CSPP1: variants seen among roughly 807,000 people sequenced by gnomAD.
CSPP1 encodes centrosome and spindle pole associated protein 1.
CSPP1 carries 126 observed loss-of-function variants against 164.4 expected under a neutral mutation model. The observed-to-expected ratio is 0.77, with a 90% CI of 0.66 to 0.89. The LOEUF (loss-of-function observed/expected upper bound fraction) is 0.89, where lower values mean the gene tolerates loss of function less well. CSPP1 is among the 40% of genes least tolerant of loss of function. CSPP1 has a pLI of 0.00. For synonymous variants in CSPP1, 472 were observed against 476.7 expected (o/e 0.99, Z 0.13); for missense variants, 1,395 against 1,449.8 (o/e 0.96, Z 0.61).
chr8:67,065,478 G>C, intron 1 of CSPP1: 1 of 947,866 alleles, frequency 1.1e-6, no homozygotes, highest in Non-Finnish European at 1.3e-6. Context: ...CCTAAATTAG[G>C]CTTTATTCTG....
chr8:67,104,632 TTC>T (rs1814976694), intron 8 of CSPP1, among the ~76,000 whole-genome samples: 1 of 151,706 alleles, frequency 6.6e-6, no homozygotes, highest in African/African-American at 2.4e-5. Flanking sequence ...TGCACTTTTT[TTC>T]TTTTTCTTTT....
intron 17 of CSPP1, among the ~76,000 whole-genome samples, chr8:67,148,557 GTGAACCTTCCTGATTC>G (rs1314970997): frequency 1.2e-4 from 18 of 152,286 alleles, no homozygotes; most frequent in African/African-American, 4.1e-4. Flanking sequence ...GTAACAGAAT[GTGAACCTTCCTGATTC>G]TGAACTCCCA....
At chr8:67,183,587 A>G (rs889737411) in intron 28 of CSPP1, among the ~76,000 whole-genome samples, 3 of 152,244 alleles carry the variant, frequency 2.0e-5, no homozygotes, top group Non-Finnish European at 4.4e-5. Flanking sequence ...TACATTTTAA[A>G]ATACTTTGAT....
intron 25 of CSPP1, chr8:67,172,900 TG>T (rs1030370599): frequency 6.5e-5 from 11 of 168,676 alleles, no homozygotes; most frequent in African/African-American, 2.1e-4. Context: ...CCAGAGAGAC[TG>T]GAGGAGAAGC....
chr8:67,182,338 A>G (rs1019128342), intron 28 of CSPP1, among the ~76,000 whole-genome samples: 1 of 151,880 alleles, frequency 6.6e-6, no homozygotes, highest in Non-Finnish European at 1.5e-5. Context: ...TATGCTGTGA[A>G]TAATATTCCA....
intron 17 of CSPP1, among the ~76,000 whole-genome samples, chr8:67,144,178 A>T (rs756680799): frequency 2.0e-4 from 30 of 152,260 alleles, no homozygotes; most frequent in Middle Eastern, 3.4e-3. Flanking sequence ...ATCTATTGAG[A>T]TGATAATGTG....
chr8:67,195,031 C>T (rs1317818324), intron 30 of CSPP1, among the ~76,000 whole-genome samples: 1 of 152,118 alleles, frequency 6.6e-6, no homozygotes, highest in African/African-American at 2.4e-5. Context: ...TAGGCTTCTC[C>T]TGAGGTAACA....
chr8:67,189,725 T>G (rs1237256783), intron 28 of CSPP1, among the ~76,000 whole-genome samples: 1 of 152,204 alleles, frequency 6.6e-6, no homozygotes, highest in African/African-American at 2.4e-5. Flanking sequence ...TGTCACCAAC[T>G]TATTGGTGTA....
rs184398153 is a variant in CSPP1, at chr8:67,096,900, C to T, written c.923+1168C>T. Among the ~76,000 whole-genome samples the T allele has an allele frequency of 1.2e-4, 19 of 152,046 alleles. No homozygotes were observed. The East Asian group carries it at 2.7e-3, about 22-fold the overall frequency. On this transcript the variant is annotated intron_variant, in intron 7 of 30. Coordinates refer to ENST00000678616, the MANE Select transcript of CSPP1 (RefSeq NM_001382391.1). ...ATAAAAATAAATGAATAAAATAAAA[C>T]GTGTGAAAAAAGGATACCTTAAAAT... is the stretch of plus-strand genomic sequence containing the variant.
intron 1 of CSPP1, 65 bp downstream of exon 1, chr8:67,064,603 CG>C: frequency 1.7e-6 from 2 of 1,178,384 alleles, no homozygotes; most frequent in Non-Finnish European, 2.1e-6. Flanking sequence ...TGCCCCGGAG[CG>C]GGGGCAGGGG....
At chr8:67,100,343 A>G (rs1404114045) in intron 7 of CSPP1, among the ~76,000 whole-genome samples, 1 of 152,158 alleles carries the variant, frequency 6.6e-6, no homozygotes, top group African/African-American at 2.4e-5. Context: ...TACTATCTAT[A>G]TACACTGAAG....
chr8:67,072,887 A>AG (rs1424437070), intron 1 of CSPP1, among the ~76,000 whole-genome samples: 4 of 150,224 alleles, frequency 2.7e-5, no homozygotes, highest in African/African-American at 9.9e-5. Context: ...AAAAAAAAAA[A>AG]AAAGAAAGAA....
intron 28 of CSPP1, among the ~76,000 whole-genome samples, chr8:67,180,842 T>C (rs1176079190): frequency 6.6e-6 from 1 of 152,044 alleles, no homozygotes; most frequent in Non-Finnish European, 1.5e-5. Flanking sequence ...TAAGTAAAGG[T>C]ACCATGGGAT....
At chr8:67,111,904 G>T in intron 9 of CSPP1, 68 bp from the exon 10 acceptor site, 2 of 899,004 alleles carry the variant, frequency 2.2e-6, no homozygotes, top group South Asian at 1.6e-5. Context: ...AGTTTTTAAG[G>T]ACTTAACTTT....
intron 17 of CSPP1, among the ~76,000 whole-genome samples, chr8:67,146,966 A>C (rs1183067646): frequency 6.6e-6 from 1 of 152,232 alleles, no homozygotes; most frequent in African/African-American, 2.4e-5. Context: ...AAGACAGAAA[A>C]GGAGTGGCCA....
At chr8:67,156,005 T>C (rs1269433909) in intron 19 of CSPP1, among the ~76,000 whole-genome samples, 4 of 152,158 alleles carry the variant, frequency 2.6e-5, no homozygotes, top group African/African-American at 9.7e-5. Context: ...AGAGTCCCTG[T>C]TGAACGTAAA....
At chr8:67,124,637 A>C (rs933152084) in intron 15 of CSPP1, among the ~76,000 whole-genome samples, 1 of 151,994 alleles carries the variant, frequency 6.6e-6, no homozygotes, top group African/African-American at 2.4e-5. Flanking sequence ...AGTAGCTGGG[A>C]CTACAGGTGC....
intron 17 of CSPP1, among the ~76,000 whole-genome samples, chr8:67,148,728 C>T (rs1182855154): frequency 6.6e-6 from 1 of 152,188 alleles, no homozygotes; most frequent in African/African-American, 2.4e-5. Flanking sequence ...TTCAGTGCTG[C>T]CATACTGTTG....
At chr8:67,126,669 T>A (rs186331395) in intron 15 of CSPP1, among the ~76,000 whole-genome samples, 16 of 152,318 alleles carry the variant, frequency 1.1e-4, no homozygotes, top group Admixed American at 1.0e-3. Flanking sequence ...CAGAGCTTCC[T>A]CGGGCATCCA....
Sources: gnomAD v4.1 joint callset for allele counts (sites outside exome capture counted in the v4.1 genomes callset) on GRCh38, gnomAD v4.1.1 for gene constraint, MANE v1.5 for transcripts, NCBI Gene and HGNC (gene_info 2026-07-23, HGNC 2026-07-21) for gene names.